The following NPRL3 variants were observed in gnomAD, a reference collection of about 807,000 sequenced individuals.
The protein encoded by NPRL3 is NPR3 like, GATOR1 complex subunit.
NPRL3 carries 23 observed loss-of-function variants against 57.2 expected under a neutral mutation model. The ratio of observed to expected loss-of-function variants is 0.40; its 90% confidence interval spans 0.29 to 0.57. The LOEUF (loss-of-function observed/expected upper bound fraction) is 0.57, where lower values mean the gene tolerates loss of function less well. Among genes scored for constraint, NPRL3 ranks in the 20% least tolerant of loss-of-function variants. The probability of loss-of-function intolerance (pLI) is 0.42; values close to 1 mark genes in which losing one functional copy is unlikely to be tolerated. For synonymous variants in NPRL3, 333 were observed against 321.1 expected, an observed-to-expected ratio of 1.04 and a Z score of -0.39; for missense variants, 691 against 767.1, an observed-to-expected ratio of 0.90 and a Z score of 1.17.
Position 112,676 on chromosome 16 carries a change from G to A in NPRL3, c.493C>T (p.Arg165Trp), listed in dbSNP as rs1324142773. The A allele has an allele frequency of 6.8e-6, 11 of 1,608,674 alleles. No individual in the cohort carries two copies. The highest frequency in any genetic ancestry group is 2.2e-5 in the East Asian group (1 of 44,690). Residue 165 changes from arginine to tryptophan, a missense_variant, in exon 6 of 14, where the codon CGG becomes TGG. Arg to Trp is a moderately radical substitution (Grantham distance 101, BLOSUM62 -3). Transcript: ENST00000611875. ...HEERRCQYLT[R>W]EAKLILALQD... ...AGCGCCAGGATCAGCTTGGCCTCCC[G>A]GGTGAGGTACTGGCAGCGGCGCTCC...
chr16:135,667 T>C (rs1027621672), intron 2 of NPRL3, among the ~76,000 whole-genome samples: 41 of 151,706 alleles, frequency 2.7e-4, no homozygotes, highest in South Asian at 2.5e-3. Flanking sequence ...GGGAGTTTTT[T>C]ATTGTTGTTG....
chr16:105,166 C>G (rs1392619590), intron 7 of NPRL3, among the ~76,000 whole-genome samples: 1 of 152,182 alleles, frequency 6.6e-6, no homozygotes, highest in Non-Finnish European at 1.5e-5. Context: ...GTGCCCCAGC[C>G]AAAGCCCTGC....
chr16:122,071 G>A (rs1259657210), intron 3 of NPRL3, among the ~76,000 whole-genome samples: 1 of 141,984 alleles, frequency 7.0e-6, no homozygotes. Flanking sequence ...CACCACGCCC[G>A]GCCCCATGAC....
At chr16:99,139 G>A (rs1004841893) in intron 8 of NPRL3, among the ~76,000 whole-genome samples, 1 of 152,166 alleles carries the variant, frequency 6.6e-6, no homozygotes, top group East Asian at 1.9e-4. Flanking sequence ...ACAGACTAGG[G>A]ACCAAAGTAC....
rs1000757142 is a variant in NPRL3 at position 131,510 on chromosome 16, T to C, written c.119-919A>G. Among the ~76,000 whole-genome samples, 33 of 131,856 alleles carry C rather than the reference T, an allele frequency of 2.5e-4. 4 individuals are homozygous for C. Among genetic ancestry groups the C allele is most frequent in the African/African-American group, 1.0e-3 (33 of 32,948 alleles). 86.5% of individuals were successfully genotyped at this position (131,856 alleles called of 152,430 possible). A position where few individuals can be genotyped will look rare whatever the true frequency, so the allele number is the denominator to read the frequency against. On this transcript the variant is annotated intron_variant, in intron 2 of 13. Coordinates refer to ENST00000611875, the MANE Select transcript of NPRL3 (RefSeq NM_001077350.3). Reference sequence around the variant, plus strand: ...AAAAAAAAAAATTAGCCGGGCATGGTGGTGGGCACCTGTAATCCCAGCTAC... The same window carrying C: ...AAAAAAAAAAATTAGCCGGGCATGGCGGTGGGCACCTGTAATCCCAGCTAC...
rs1052724241 is a variant in NPRL3, at chr16:110,417, G to C, written c.629+108C>G. The C allele has an allele frequency of 5.0e-6, 4 of 806,678 alleles. No individual in the cohort carries two copies. The African/African-American group carries it at 6.8e-5, about 14-fold the overall frequency. 50.0% of individuals were successfully genotyped at this position (806,678 alleles called of 1,614,324 possible). On this transcript the variant is annotated intron_variant, in intron 7 of 13. Transcript: ENST00000611875. ...AGGGAACCCTGATGCTCACACCCCA[G>C]GAGAACAGTGGTCAGTACCGGGGAG...
intron 2 of NPRL3, among the ~76,000 whole-genome samples, chr16:133,921 G>A (rs1366728039): frequency 6.6e-6 from 1 of 152,178 alleles, no homozygotes; most frequent in Non-Finnish European, 1.5e-5. Context: ...CAAGGAGATG[G>A]AAACAGATGG....
chr16:103,117 G>A (rs1383992731), intron 7 of NPRL3, among the ~76,000 whole-genome samples: 1 of 151,836 alleles, frequency 6.6e-6, no homozygotes, highest in African/African-American at 2.4e-5. Context: ...GGTCAGAAAG[G>A]AGGGCCACTG....
At chr16:87,069 T>C (rs1158940837) in intron 13 of NPRL3, among the ~76,000 whole-genome samples, 199 bp from the exon 14 acceptor site, 1 of 152,176 alleles carries the variant, frequency 6.6e-6, no homozygotes, top group Non-Finnish European at 1.5e-5. Flanking sequence ...ACGGTCCCGC[T>C]GACCACCAGG....
At chr16:100,586 A>G (rs969089590) in intron 7 of NPRL3, 77 bp from the exon 8 acceptor site, 9 of 1,309,700 alleles carry the variant, frequency 6.9e-6, no homozygotes, top group Middle Eastern at 2.0e-4. Context: ...ACCCTGCTCA[A>G]TGGTGCTGAT....
At chr16:123,508 C>A (rs929379588) in intron 3 of NPRL3, 1 of 471,096 alleles carries the variant, frequency 2.1e-6, no homozygotes, top group East Asian at 6.9e-5. Flanking sequence ...CGGTCTTACC[C>A]TGCAACCAAT....
intron 13 of NPRL3, 111 bp downstream of exon 13, chr16:88,587 G>GA: frequency 2.0e-6 from 2 of 980,218 alleles, no homozygotes; most frequent in South Asian, 3.2e-5. Flanking sequence ...ATCTCGAACA[G>GA]GGCCCCATCT....
At chr16:87,738 T>G (rs879190265) in intron 13 of NPRL3, among the ~76,000 whole-genome samples, 56 of 151,628 alleles carry the variant, frequency 3.7e-4, no homozygotes, top group Admixed American at 3.6e-3. Context: ...CCCAGCTAAT[T>G]TTTTGTATTT....
chr16:127,922 TG>T (rs1900613383), intron 3 of NPRL3, among the ~76,000 whole-genome samples: 1 of 152,076 alleles, frequency 6.6e-6, no homozygotes, highest in African/African-American at 2.4e-5. Flanking sequence ...CCCAAAGGGC[TG>T]GGATTACAGG....
intron 2 of NPRL3, among the ~76,000 whole-genome samples, chr16:136,524 C>G (rs1901087043): frequency 7.5e-6 from 1 of 133,712 alleles, no homozygotes; most frequent in African/African-American, 2.5e-5. Context: ...CCCATCTCTA[C>G]TAAAAATAAA....
intron 3 of NPRL3, among the ~76,000 whole-genome samples, chr16:124,170 G>A (rs17146023): frequency 0.81 from 122,989 of 151,166 alleles, 50,245 homozygotes; most frequent in South Asian, 0.89. Flanking sequence ...CGCTCCCCAC[G>A]CTCAACGCTT....
intron 13 of NPRL3, among the ~76,000 whole-genome samples, chr16:87,242 T>C (rs1898518155): frequency 6.6e-6 from 1 of 152,116 alleles, no homozygotes; most frequent in Non-Finnish European, 1.5e-5. Context: ...TTTTTTTCCT[T>C]TTTTTGAGAG....
intron 3 of NPRL3, among the ~76,000 whole-genome samples, chr16:128,803 T>C (rs901099993): frequency 1.3e-5 from 2 of 151,922 alleles, no homozygotes; most frequent in Non-Finnish European, 2.9e-5. Flanking sequence ...AGAGTGGATT[T>C]GATGCACTTT....
chr16:131,232 C>A (rs1181966413), intron 2 of NPRL3, among the ~76,000 whole-genome samples: 1 of 152,108 alleles, frequency 6.6e-6, no homozygotes, highest in East Asian at 1.9e-4. Flanking sequence ...GTAATCCCAG[C>A]ACTTTGGGAG....
Sources: allele counts gnomAD v4.1 joint callset (sites outside exome capture counted in the v4.1 genomes callset), GRCh38; gene constraint gnomAD v4.1.1; transcripts MANE v1.5; gene names NCBI Gene and HGNC (gene_info 2026-07-23, HGNC 2026-07-21).